The following ACTR3B variants were observed in gnomAD, a reference collection of about 807,000 sequenced individuals.
ACTR3B encodes actin related protein 3B.
ACTR3B carries 8 observed loss-of-function variants against 59.0 expected under a neutral mutation model. That is an observed-to-expected ratio of 0.14 (90% CI 0.08 to 0.24). The LOEUF is 0.24. Among genes scored for constraint, ACTR3B ranks in the 10% least tolerant of loss-of-function variants. The pLI is 1.00. For synonymous variants in ACTR3B, 148 were observed against 197.9 expected (o/e 0.75, Z 2.12); for missense variants, 245 against 552.3 (o/e 0.44, Z 5.58).
intron 1 of ACTR3B, among the ~76,000 whole-genome samples, chr7:152,775,572 C>A (rs1330096702): frequency 6.6e-6 from 1 of 151,900 alleles, no homozygotes; most frequent in Non-Finnish European, 1.5e-5. Context: ...GCAGCCTGAC[C>A]AACATGGAGA....
At chr7:152,776,085 A>G (rs1474229156) in intron 1 of ACTR3B, among the ~76,000 whole-genome samples, 1 of 149,272 alleles carries the variant, frequency 6.7e-6, no homozygotes, top group African/African-American at 2.5e-5. Flanking sequence ...GAGTTTGAGA[A>G]CATGGCTGGC....
At chr7:152,845,364 A>G (rs1165323082) in intron 9 of ACTR3B, among the ~76,000 whole-genome samples, 3 of 152,182 alleles carry the variant, frequency 2.0e-5, no homozygotes, top group African/African-American at 7.2e-5. Flanking sequence ...TTGATGGCAC[A>G]GGCCATCCCG....
chr7:152,785,244 AC>A (rs2098167539), intron 2 of ACTR3B, among the ~76,000 whole-genome samples: 1 of 150,506 alleles, frequency 6.6e-6, no homozygotes, highest in African/African-American at 2.4e-5. Flanking sequence ...GATTTCATTC[AC>A]TGTCAAAAAG....
intron 9 of ACTR3B, among the ~76,000 whole-genome samples, chr7:152,834,311 G>T (rs1486900098): frequency 1.3e-5 from 2 of 152,040 alleles, no homozygotes; most frequent in Non-Finnish European, 2.9e-5. Flanking sequence ...CCGCCACCAC[G>T]CCTGGCTGAT....
intron 9 of ACTR3B, among the ~76,000 whole-genome samples, chr7:152,843,999 A>G (rs1477014611): frequency 6.6e-6 from 1 of 152,248 alleles, no homozygotes; most frequent in Non-Finnish European, 1.5e-5. Flanking sequence ...AAATGTTAAC[A>G]GTAGGTAAAT....
Position 152,760,070 on chromosome 7 carries a change from G to T in ACTR3B, c.44+144G>T, listed in dbSNP as rs1166149648. ...CTGGGCAGGTGGGGCGCCGGCCGCC[G>T]CTTCCCTCCAAGCCTTGCCTTGACG... On this transcript the variant is annotated intron_variant, in intron 1 of 11. Coordinates refer to ENST00000256001, the MANE Select transcript of ACTR3B (RefSeq NM_020445.6). 1.6e-4 allele frequency: 105 copies of T among 657,140 alleles called. No individual in the cohort carries two copies. The East Asian group carries it at 3.8e-3, about 24-fold the overall frequency. The allele number at this position is 657,140 out of a possible 1,614,324, so 40.7% of individuals were successfully genotyped here.
Position 152,854,024 on chromosome 7 carries a change from G to C in ACTR3B, c.1162-434G>C, listed in dbSNP as rs73166495. Reference sequence around the variant, plus strand: ...ATTACAGGTGTGAGCCTCTGTGCCCGGCCCGATATAAACTATATCTTAATA... The same window carrying C: ...ATTACAGGTGTGAGCCTCTGTGCCCCGCCCGATATAAACTATATCTTAATA... On this transcript the variant is annotated intron_variant, in intron 11 of 11. Coordinates refer to ENST00000256001, the MANE Select transcript of ACTR3B (RefSeq NM_020445.6). This position sits in a 1 kb window ranked among gnomAD's most constrained non-coding sequence, Gnocchi z 4.9. Among the ~76,000 whole-genome samples, 2 of 152,080 alleles carry C rather than the reference G, an allele frequency of 1.3e-5. No homozygotes were observed. The highest frequency in any genetic ancestry group is 2.9e-5 in the Non-Finnish European group (2 of 68,032).
intron 1 of ACTR3B, among the ~76,000 whole-genome samples, chr7:152,766,796 T>C (rs1268788657): frequency 6.6e-6 from 1 of 152,164 alleles, no homozygotes; most frequent in Non-Finnish European, 1.5e-5. Context: ...TTTTCTTTTC[T>C]GTTTTTTTGA....
intron 4 of ACTR3B, among the ~76,000 whole-genome samples, chr7:152,803,295 AC>A (rs780040839): frequency 1.3e-5 from 2 of 152,096 alleles, no homozygotes; most frequent in Non-Finnish European, 2.9e-5. Context: ...TGATCCTCCC[AC>A]TTTAGCCTCC....
intron 9 of ACTR3B, among the ~76,000 whole-genome samples, chr7:152,834,056 A>G (rs1020737138): frequency 6.6e-6 from 1 of 151,780 alleles, no homozygotes; most frequent in African/African-American, 2.4e-5. Context: ...ATGATTTCCA[A>G]TCTAAAATTC....
chr7:152,774,168 C>G (rs2098131032), intron 1 of ACTR3B, among the ~76,000 whole-genome samples: 1 of 152,084 alleles, frequency 6.6e-6, no homozygotes, highest in South Asian at 2.1e-4. Flanking sequence ...TGGAGTTTTG[C>G]TCTTGTTGCC....
At chr7:152,829,911 A>G (rs948900671) in intron 9 of ACTR3B, among the ~76,000 whole-genome samples, 6 of 152,206 alleles carry the variant, frequency 3.9e-5, no homozygotes, top group Admixed American at 2.0e-4. Context: ...TTGAGTACCT[A>G]CTAGGTACAA....
At chr7:152,785,382 G>C (rs1484836721) in intron 2 of ACTR3B, among the ~76,000 whole-genome samples, 2 of 12,204 alleles carry the variant, frequency 1.6e-4, no homozygotes, top group African/African-American at 4.6e-4. Flanking sequence ...GTTGTGAGGG[G>C]GGGGGGAGGG....
chr7:152,849,324 C>T (rs551419544), intron 9 of ACTR3B, among the ~76,000 whole-genome samples: 10 of 152,124 alleles, frequency 6.6e-5, no homozygotes, highest in Non-Finnish European at 1.5e-4. Context: ...CACCAAGGAA[C>T]GGGGTGGGGT....
intron 2 of ACTR3B, among the ~76,000 whole-genome samples, chr7:152,785,504 AGAGAGAGGAGAGAG>A (rs2098170915): frequency 9.2e-6 from 1 of 108,636 alleles, no homozygotes; most frequent in African/African-American, 4.0e-5. Flanking sequence ...AGAGAGAGAG[AGAGAGAGGAGAGAG>A]AAGAGAGAGA....
At chr7:152,772,724 A>G (rs1342723641) in intron 1 of ACTR3B, among the ~76,000 whole-genome samples, 1 of 133,320 alleles carries the variant, frequency 7.5e-6, no homozygotes, top group Non-Finnish European at 1.6e-5. Context: ...TGAGGGCTCC[A>G]GAAATAGAAA....
intron 2 of ACTR3B, among the ~76,000 whole-genome samples, chr7:152,794,820 C>T (rs1179456559): frequency 6.6e-6 from 1 of 152,128 alleles, no homozygotes; most frequent in Non-Finnish European, 1.5e-5. Flanking sequence ...CATTTCAGCC[C>T]GTGTTTCCAC....
intron 7 of ACTR3B, among the ~76,000 whole-genome samples, chr7:152,820,932 G>T (rs927050652): frequency 6.6e-6 from 1 of 152,230 alleles, no homozygotes; most frequent in African/African-American, 2.4e-5. Context: ...ATGGGGGTGA[G>T]CCCAACACCC....
At chr7:152,847,046 T>C (rs1448593095) in intron 9 of ACTR3B, among the ~76,000 whole-genome samples, 1 of 145,548 alleles carries the variant, frequency 6.9e-6, no homozygotes. Context: ...TGAGCTCTAG[T>C]GCCCGGGCTG....
Sources: allele counts gnomAD v4.1 joint callset (sites outside exome capture counted in the v4.1 genomes callset), GRCh38; gene constraint gnomAD v4.1.1; non-coding constraint Gnocchi (gnomAD v3.1); transcripts MANE v1.5; gene names NCBI Gene and HGNC (gene_info 2026-07-23, HGNC 2026-07-21).